STX12: variants seen among roughly 807,000 people sequenced by gnomAD.
STX12 encodes the protein syntaxin-12.
A neutral mutation model predicts 42.2 loss-of-function variants in STX12; 17 were observed. That is an observed-to-expected ratio of 0.40 (90% CI 0.28 to 0.60). STX12 has a LOEUF of 0.60. Ranked by LOEUF, STX12 falls within the 20% of genes least tolerant of loss-of-function variation. The probability of loss-of-function intolerance (pLI) is 0.39; values close to 1 mark genes in which losing one functional copy is unlikely to be tolerated. For missense variants in STX12, 297 were observed against 330.9 expected (o/e 0.90, Z 0.79); for synonymous variants, 108 against 116.7 (o/e 0.93, Z 0.48).
rs34435449 is a variant in STX12 at position 27,808,311 on chromosome 1, TTTTATTTATTTATTTA to T, written c.427-1904_427-1889del. 1.2e-3 allele frequency among the ~76,000 whole-genome samples: 173 copies of T among 144,236 alleles called. 1 individual carries two copies. The East Asian group carries it at 0.013, about 11-fold the overall frequency. 94.6% of individuals were successfully genotyped at this position (144,236 alleles called of 152,430 possible). ...TGATTTTTACCATTTTTGCTTTGTT[TTTTATTTATTTATTTA>T]TTTATTTATTTATTTATTTATTTAT... On this transcript the variant is annotated intron_variant, in intron 4 of 8. Transcript: ENST00000373943.
intron 1 of STX12, among the ~76,000 whole-genome samples, chr1:27,775,525 G>A (rs941403475): frequency 1.3e-5 from 2 of 152,134 alleles, no homozygotes; most frequent in African/African-American, 4.8e-5. Context: ...ACCCACCTTG[G>A]CCTCCGAATA....
At chr1:27,816,372 G>A (rs999537329) in intron 6 of STX12, among the ~76,000 whole-genome samples, 4 of 152,052 alleles carry the variant, frequency 2.6e-5, no homozygotes, top group African/African-American at 7.2e-5. Flanking sequence ...TACTGGGGAG[G>A]ATGAGGCAGG....
At chr1:27,778,583 C>A (rs754240259) in intron 1 of STX12, among the ~76,000 whole-genome samples, 1 of 151,536 alleles carries the variant, frequency 6.6e-6, no homozygotes, top group Non-Finnish European at 1.5e-5. Context: ...CCTAGCTGCT[C>A]GGGAGGCTGA....
intron 1 of STX12, among the ~76,000 whole-genome samples, chr1:27,782,167 G>A: frequency 6.6e-6 from 1 of 152,114 alleles, no homozygotes; most frequent in African/African-American, 2.4e-5. Flanking sequence ...TAGTACAGTG[G>A]TACCGTCATA....
At chr1:27,778,863 G>C (rs550394814) in intron 1 of STX12, among the ~76,000 whole-genome samples, 1 of 152,110 alleles carries the variant, frequency 6.6e-6, no homozygotes, top group South Asian at 2.1e-4. Flanking sequence ...GGGCTTTAGC[G>C]ATCCTCTTAC....
chr1:27,802,833 A>G (rs1176223637), intron 4 of STX12, among the ~76,000 whole-genome samples: 1 of 152,246 alleles, frequency 6.6e-6, no homozygotes, highest in Non-Finnish European at 1.5e-5. Flanking sequence ...GACTTTTTAT[A>G]TTAGAATTAT....
chr1:27,806,357 G>A (rs1385146972), intron 4 of STX12, among the ~76,000 whole-genome samples: 2 of 152,134 alleles, frequency 1.3e-5, no homozygotes. Context: ...TTTTTAGTAA[G>A]TTCTTATAAA....
chr1:27,807,984 A>G (rs2088875333), intron 4 of STX12, among the ~76,000 whole-genome samples: 1 of 152,234 alleles, frequency 6.6e-6, no homozygotes, highest in Admixed American at 6.5e-5. Context: ...GCAAAATGAT[A>G]TTGAATAAGA....
At position 27,803,055 on chromosome 1, in the gene STX12, G is replaced by A. The variant is rs1376422942; in HGVS notation, c.426+1240G>A. ...CATAGGGGGTTAAGAGGTTAAATAC[G>A]GAAGAAAGATTATGAAAAATGGAGA... On this transcript the variant is annotated intron_variant, in intron 4 of 8. Coordinates refer to ENST00000373943, the MANE Select transcript of STX12 (RefSeq NM_177424.3). Among the ~76,000 whole-genome samples the A allele has an allele frequency of 1.1e-4, 16 of 152,166 alleles. No homozygotes were observed. The East Asian group carries it at 2.3e-3, about 22-fold the overall frequency.
chr1:27,791,754 G>T (rs938403690), intron 2 of STX12, among the ~76,000 whole-genome samples: 2 of 152,096 alleles, frequency 1.3e-5, no homozygotes, highest in Non-Finnish European at 2.9e-5. Context: ...GGCGGAGGTT[G>T]CAGTGAGCTG....
Position 27,793,573 on chromosome 1 carries a change from A to C in STX12, c.229A>C (p.Thr77Pro). 1 of 1,614,170 alleles carries C rather than the reference A, an allele frequency of 6.2e-7. No individual in the cohort carries two copies. Among genetic ancestry groups the C allele is most frequent in the Non-Finnish European group, 8.5e-7 (1 of 1,180,012 alleles). ...QHSTNQLAKETNELLKELGSL... is the reference protein window; with the variant it reads ...QHSTNQLAKEPNELLKELGSL... The stretch of plus-strand genomic sequence containing the variant: ...CTCCACAAATCAGCTCGCCAAGGAA[A>C]CAAATGAATTGCTGAAAGAATTAGG... The change falls in exon 3 of 9, where the codon ACA (threonine) becomes CCA (proline). Residue 77 changes from threonine to proline, a missense_variant. Coordinates refer to ENST00000373943, the MANE Select transcript of STX12 (RefSeq NM_177424.3).
Position 27,802,628 on chromosome 1 carries a change from C to G in STX12, c.426+813C>G, listed in dbSNP as rs560928812. On this transcript the variant is annotated intron_variant, in intron 4 of 8. Transcript: ENST00000373943. ...AGTGGTCCTGGACTGGGAGAGCCAC[C>G]TATGTGTGGGATAGAAGCAAACACA... is the stretch of plus-strand genomic sequence containing the variant. 1.2e-4 allele frequency among the ~76,000 whole-genome samples: 18 copies of G among 152,276 alleles called. No homozygotes were observed. In the Middle Eastern group the frequency reaches 0.01, roughly 86 times the overall value.
chr1:27,823,310 T>C lies in STX12; in HGVS notation c.*981T>C, dbSNP rs544652246. 5 of 152,736 alleles carry C rather than the reference T, an allele frequency of 3.3e-5. No homozygotes were observed. The highest frequency in any genetic ancestry group is 2.6e-4 in the Admixed American group (4 of 15,290). 9.5% of individuals were successfully genotyped at this position (152,736 alleles called of 1,614,324 possible). On this transcript the variant is annotated 3_prime_UTR_variant, in exon 9 of 9. Transcript: ENST00000373943. ...ATAGATTGAGGTTGGTTTAAAATTA[T>C]TCCTGTAAACCAACAATAAAGCAAA...
chr1:27,781,146 C>G (rs966328528), intron 1 of STX12, among the ~76,000 whole-genome samples: 2 of 152,082 alleles, frequency 1.3e-5, no homozygotes, highest in African/African-American at 4.8e-5. Flanking sequence ...CGGGGTTAAG[C>G]AATTCTCATG....
chr1:27,798,095 C>T (rs952824951), intron 3 of STX12, among the ~76,000 whole-genome samples: 3 of 152,184 alleles, frequency 2.0e-5, no homozygotes, highest in Middle Eastern at 3.4e-3. Flanking sequence ...AAAGCACTTA[C>T]AGTAGTACTG....
At position 27,801,734 on chromosome 1, in the gene STX12, C is replaced by T; in HGVS notation, c.345C>T (p.Asn115=). 1 of 1,592,378 alleles carries T rather than the reference C, an allele frequency of 6.3e-7. No homozygotes were observed. The highest frequency in any genetic ancestry group is 8.5e-7 in the Non-Finnish European group (1 of 1,172,400). Residue 115 remains asparagine (N), a synonymous_variant, in exon 4 of 9, where the codon AAC becomes AAT. Coordinates refer to ENST00000373943, the MANE Select transcript of STX12 (RefSeq NM_177424.3). ...TGAATGACTTCTCTGCAGCCTTAAA[C>T]AATTTCCAGGCTGTGCAGAGAAGGG... ...RLMNDFSAAL[N]NFQAVQRRVS...
At chr1:27,797,661 G>A (rs1414539857) in intron 3 of STX12, among the ~76,000 whole-genome samples, 2 of 151,872 alleles carry the variant, frequency 1.3e-5, no homozygotes, top group South Asian at 2.1e-4. Context: ...CTCTAAGTGC[G>A]TGGCCCATAT....
chr1:27,795,869 C>T (rs193024070), intron 3 of STX12, among the ~76,000 whole-genome samples: 9 of 152,230 alleles, frequency 5.9e-5, no homozygotes, highest in African/African-American at 2.2e-4. Flanking sequence ...CTCCAAACTG[C>T]TGCCAAGTTA....
At chr1:27,794,421 C>G (rs1230407177) in intron 3 of STX12, among the ~76,000 whole-genome samples, 1 of 152,174 alleles carries the variant, frequency 6.6e-6, no homozygotes, top group East Asian at 1.9e-4. Context: ...ATGAGTTATT[C>G]ACAGGTCTCA....
Sources: allele counts gnomAD v4.1 joint callset (sites outside exome capture counted in the v4.1 genomes callset), GRCh38; gene constraint gnomAD v4.1.1; transcripts MANE v1.5; gene names NCBI Gene and HGNC (gene_info 2026-07-23, HGNC 2026-07-21).